ARHGAP15: variants seen among roughly 807,000 people sequenced by gnomAD.
ARHGAP15 encodes the protein Rho GTPase activating protein 15, also known as rho GTPase-activating protein 15.
A neutral mutation model predicts 63.7 loss-of-function variants in ARHGAP15; 51 were observed. The observed-to-expected ratio is 0.80, with a 90% confidence interval of 0.64 to 1.01. ARHGAP15 has a LOEUF of 1.01. ARHGAP15 is among the 50% of genes least tolerant of loss of function. The probability of loss-of-function intolerance (pLI) is 0.00; values close to 1 mark genes in which losing one functional copy is unlikely to be tolerated. For synonymous variants in ARHGAP15, 191 were observed against 193.8 expected (o/e 0.99, Z 0.12); for missense variants, 560 against 564.6 (o/e 0.99, Z 0.08).
At chr2:143,659,643 G>A (rs10928194) in intron 12 of ARHGAP15, among the ~76,000 whole-genome samples, 23,486 of 152,100 alleles carry the variant, frequency 0.15, 1,911 homozygotes, top group East Asian at 0.25. Context: ...AGCCACTACC[G>A]CCCTAGGGGC....
intron 10 of ARHGAP15, among the ~76,000 whole-genome samples, chr2:143,550,959 G>C (rs1695536119): frequency 6.6e-6 from 1 of 152,118 alleles, no homozygotes; most frequent in African/African-American, 2.4e-5. Context: ...ATAGCTCAGA[G>C]ATAATTTGAT....
At chr2:143,694,462 T>A (rs973579505) in intron 12 of ARHGAP15, among the ~76,000 whole-genome samples, 4 of 152,174 alleles carry the variant, frequency 2.6e-5, no homozygotes, top group Non-Finnish European at 5.9e-5. Context: ...TAAGATTAGC[T>A]GGCAGTTTTT....
At chr2:143,240,115 G>T (rs181988809) in intron 5 of ARHGAP15, among the ~76,000 whole-genome samples, 1 of 149,758 alleles carries the variant, frequency 6.7e-6, no homozygotes, top group African/African-American at 2.5e-5. Context: ...GTTTGAGGCC[G>T]CAGTGAGCTA....
intron 12 of ARHGAP15, chr2:143,676,516 G>C (rs1168842015): frequency 6.6e-6 from 1 of 152,148 alleles, no homozygotes; most frequent in Admixed American, 6.5e-5. Flanking sequence ...GAACCACTTA[G>C]AGGTCATTGT....
At chr2:143,674,655 C>T (rs747369606) in intron 12 of ARHGAP15, among the ~76,000 whole-genome samples, 17 of 152,082 alleles carry the variant, frequency 1.1e-4, no homozygotes, top group Admixed American at 2.0e-4. Flanking sequence ...GTGAGTCATA[C>T]GAATTTTTTG....
chr2:143,195,834 G>A (rs1370705999), intron 2 of ARHGAP15, among the ~76,000 whole-genome samples: 1 of 152,102 alleles, frequency 6.6e-6, no homozygotes, highest in Non-Finnish European at 1.5e-5. Flanking sequence ...GCAGAGCTAT[G>A]AGGAATGTTT....
intron 6 of ARHGAP15, among the ~76,000 whole-genome samples, chr2:143,252,535 A>AT (rs989293554): frequency 3.4e-4 from 51 of 151,040 alleles, no homozygotes; most frequent in Admixed American, 9.9e-4. Flanking sequence ...CAGACGCTTT[A>AT]TTTTTTTTTA....
At chr2:143,302,466 C>G (rs1335633566) in intron 6 of ARHGAP15, among the ~76,000 whole-genome samples, 1 of 151,862 alleles carries the variant, frequency 6.6e-6, no homozygotes, top group Admixed American at 6.6e-5. Context: ...AAATTTCAGT[C>G]CAATGTGGTG....
chr2:143,230,490 T>G (rs1693392053), intron 5 of ARHGAP15, among the ~76,000 whole-genome samples: 1 of 152,186 alleles, frequency 6.6e-6, no homozygotes, highest in Admixed American at 6.5e-5. Flanking sequence ...AGAAGAAATT[T>G]GTTAACATTT....
chr2:143,330,987 G>A (rs1001644538), intron 6 of ARHGAP15, among the ~76,000 whole-genome samples: 7 of 152,134 alleles, frequency 4.6e-5, no homozygotes, highest in Middle Eastern at 3.4e-3. Flanking sequence ...GATGGTCCTC[G>A]TTGGGCCCTT....
intron 10 of ARHGAP15, among the ~76,000 whole-genome samples, chr2:143,543,751 A>G (rs1372992381): frequency 2.0e-5 from 3 of 152,138 alleles, no homozygotes; most frequent in African/African-American, 4.8e-5. Flanking sequence ...GAAGCTGAAA[A>G]TCTGGTTTGT....
intron 12 of ARHGAP15, among the ~76,000 whole-genome samples, chr2:143,638,329 T>C (rs994739830): frequency 6.7e-6 from 1 of 149,198 alleles, no homozygotes; most frequent in Non-Finnish European, 1.5e-5. Context: ...CCATAAAAAA[T>C]GATGAGTTCA....
intron 8 of ARHGAP15, among the ~76,000 whole-genome samples, chr2:143,476,636 C>A (rs1486046067): frequency 6.6e-6 from 1 of 152,088 alleles, no homozygotes; most frequent in African/African-American, 2.4e-5. Flanking sequence ...GAGTAGAAAC[C>A]ATGAGAGTCA....
chr2:143,445,153 A>ATTT (rs10671306), intron 8 of ARHGAP15, among the ~76,000 whole-genome samples: 4,867 of 74,382 alleles, frequency 0.065, 683 homozygotes, highest in East Asian at 0.097. Flanking sequence ...AAGAACAATT[A>ATTT]TTTTTTTTTT....
At chr2:143,348,800 C>CATTTCA (rs1292687234) in intron 6 of ARHGAP15, among the ~76,000 whole-genome samples, 1 of 152,144 alleles carries the variant, frequency 6.6e-6, no homozygotes, top group Non-Finnish European at 1.5e-5. Context: ...CACTACCTGT[C>CATTTCA]ATTTCAATAC....
chr2:143,512,007 A>G (rs556189673), intron 9 of ARHGAP15, among the ~76,000 whole-genome samples: 5 of 152,344 alleles, frequency 3.3e-5, no homozygotes, highest in Admixed American at 3.3e-4. Context: ...TCCACTGTAA[A>G]TGACAGAAAC....
At chr2:143,425,963 C>T (rs1689122693) in intron 6 of ARHGAP15, among the ~76,000 whole-genome samples, 1 of 152,132 alleles carries the variant, frequency 6.6e-6, no homozygotes, top group African/African-American at 2.4e-5. Flanking sequence ...ATTTGTTCCT[C>T]TCCCCAAAGT....
intron 13 of ARHGAP15, among the ~76,000 whole-genome samples, chr2:143,735,058 A>G (rs1188721288): frequency 6.6e-6 from 1 of 152,200 alleles, no homozygotes; most frequent in Non-Finnish European, 1.5e-5. Context: ...AAGTTAAAAC[A>G]CCCACTAGAA....
chr2:143,419,287 T>G (rs1019957908), intron 6 of ARHGAP15, among the ~76,000 whole-genome samples: 3 of 152,178 alleles, frequency 2.0e-5, no homozygotes, highest in African/African-American at 7.2e-5. Flanking sequence ...CTTTAAATTT[T>G]GGTGAGATAA....
Sources: gnomAD v4.1 joint callset for allele counts (sites outside exome capture counted in the v4.1 genomes callset) on GRCh38, gnomAD v4.1.1 for gene constraint, MANE v1.5 for transcripts, NCBI Gene and HGNC (gene_info 2026-07-23, HGNC 2026-07-21) for gene names.